Variants in ARHGAP23 observed in about 807,000 individuals in gnomAD.
ARHGAP23 encodes Rho GTPase activating protein 23.
Under a neutral mutation model 136.3 loss-of-function variants are expected in ARHGAP23, and 34 were observed. The observed-to-expected ratio is 0.25, with a 90% CI of 0.19 to 0.33. ARHGAP23 has a LOEUF of 0.33. Ranked by LOEUF, ARHGAP23 falls within the 10% of genes least tolerant of loss-of-function variation. The pLI, the probability that ARHGAP23 is intolerant of heterozygous loss-of-function variation, is 1.00. For synonymous variants in ARHGAP23, 832 were observed against 920.5 expected (o/e 0.90, Z 1.74); for missense variants, 1,808 against 2,139.0 (o/e 0.85, Z 3.05).
At chr17:38,448,273 G>A (rs756876143) in intron 1 of ARHGAP23, among the ~76,000 whole-genome samples, 2 of 152,146 alleles carry the variant, frequency 1.3e-5, no homozygotes, top group Non-Finnish European at 2.9e-5. Flanking sequence ...GTCTATGAGC[G>A]TCCACATGTG....
Position 38,462,845 on chromosome 17 carries a change from G to C in ARHGAP23, c.254-1G>C. 1 of 1,513,538 alleles carries C rather than the reference G, an allele frequency of 6.6e-7. No individual in the cohort carries two copies. Among genetic ancestry groups the C allele is most frequent in the Non-Finnish European group, 8.8e-7 (1 of 1,132,868 alleles). 93.8% of individuals were successfully genotyped at this position (1,513,538 alleles called of 1,614,324 possible). On this transcript the variant is annotated splice_acceptor_variant, in intron 3 of 23. Coordinates refer to ENST00000622683, the MANE Select transcript of ARHGAP23 (RefSeq NM_001199417.2). LOFTEE classifies it high-confidence loss of function. The stretch of plus-strand genomic sequence containing the variant: ...CAGCTAACCTGGCTGATGCCCACTA[G>C]GACCCTCCCCCCGGTACCGCCTGGA...
chr17:38,436,652 A>G (rs2038804482), intron 1 of ARHGAP23, among the ~76,000 whole-genome samples: 1 of 152,220 alleles, frequency 6.6e-6, no homozygotes, highest in African/African-American at 2.4e-5. Flanking sequence ...CTACCGCCCA[A>G]AAGCCAGACA....
chr17:38,436,719 C>T (rs748467899), intron 1 of ARHGAP23, among the ~76,000 whole-genome samples: 11 of 152,212 alleles, frequency 7.2e-5, no homozygotes, highest in Non-Finnish European at 1.3e-4. Flanking sequence ...TCCAGCCCAT[C>T]GATCAGTCCA....
At chr17:38,483,170 G>A (rs7214903) in intron 16 of ARHGAP23, among the ~76,000 whole-genome samples, 8,119 of 152,152 alleles carry the variant, frequency 0.053, 307 homozygotes, top group South Asian at 0.17. Flanking sequence ...CTTTAACAAC[G>A]TAAAAACCAT....
upstream of ARHGAP23, among the ~76,000 whole-genome samples, chr17:38,423,761 A>G (rs1436260674): frequency 6.6e-6 from 1 of 152,042 alleles, no homozygotes; most frequent in Admixed American, 6.6e-5. Context: ...GGGGACAAGT[A>G]GAGGACCTGG....
chr17:38,430,383 TG>T, intron 1 of ARHGAP23, among the ~76,000 whole-genome samples: 1 of 151,122 alleles, frequency 6.6e-6, no homozygotes, highest in Non-Finnish European at 1.5e-5. Flanking sequence ...AAGGACTGGG[TG>T]GGGGGAAGAG....
At chr17:38,491,329 G>A (rs1330394910) in intron 19 of ARHGAP23, 78 bp from the exon 20 acceptor site, 26 of 1,537,724 alleles carry the variant, frequency 1.7e-5, no homozygotes, top group Non-Finnish European at 2.0e-5. Flanking sequence ...TGTAGTTGGG[G>A]ACAGAGGCCT....
At chr17:38,465,561 C>G (rs972637837) in intron 6 of ARHGAP23, among the ~76,000 whole-genome samples, 1 of 152,252 alleles carries the variant, frequency 6.6e-6, no homozygotes, top group African/African-American at 2.4e-5. Flanking sequence ...TCAGCCTCAG[C>G]TCCCAGTGCC....
In ARHGAP23 at chr17:38,512,200, A is replaced by C. The variant is rs1441052167; in HGVS notation, c.*1228A>C. 1 of 152,228 alleles carries C rather than the reference A, an allele frequency of 6.6e-6. No individual in the cohort carries two copies. The highest frequency in any genetic ancestry group is 1.9e-4 in the East Asian group (1 of 5,204). The allele number at this position is 152,228 out of a possible 1,614,324, so 9.4% of individuals were successfully genotyped here. On this transcript the variant is annotated 3_prime_UTR_variant, in exon 24 of 24. Coordinates refer to ENST00000622683, the MANE Select transcript of ARHGAP23 (RefSeq NM_001199417.2). ...TATAAAGAATTTATAAGGATTTTTA[A>C]AGATGTTTTGCTCATTTACAAAAGT...
chr17:38,471,903 C>T lies in ARHGAP23; in HGVS notation c.2015C>T (p.Pro672Leu), dbSNP rs769423890. ...SWGTSEDADA[P>L]SKRHSTSDLS... ...GGCACCTCTGAAGATGCTGACGCTC[C>T]TTCTAAGCGACACTCAACCTCTGAC... The change falls in exon 11 of 24, where the codon CCT becomes CTT. Residue 672 changes from proline to leucine, a missense_variant. Physicochemically the swap from Pro to Leu is moderately conservative, Grantham distance 98. This residue lies in a region of ARHGAP23 where 139 missense variants were observed against 264.3 expected (regional missense o/e 0.53). Transcript: ENST00000622683. 6.5e-7 allele frequency: 1 copy of T among 1,549,384 alleles called. No homozygotes were observed. Among genetic ancestry groups the T allele is most frequent in the Admixed American group, 2.0e-5 (1 of 50,996 alleles).
chr17:38,492,235 C>T (rs1025919308), intron 20 of ARHGAP23, among the ~76,000 whole-genome samples: 3 of 152,238 alleles, frequency 2.0e-5, no homozygotes, highest in African/African-American at 7.2e-5. Context: ...TAAGGCAGCA[C>T]TGCCGCCTTC....
At chr17:38,494,089 C>G (rs1257677148) in intron 20 of ARHGAP23, among the ~76,000 whole-genome samples, 2 of 152,220 alleles carry the variant, frequency 1.3e-5, no homozygotes, top group Non-Finnish European at 1.5e-5. Context: ...GAATATCACT[C>G]TAGTTGTCAC....
chr17:38,474,428 G>A (rs2039841332), intron 11 of ARHGAP23, among the ~76,000 whole-genome samples: 1 of 152,154 alleles, frequency 6.6e-6, no homozygotes, highest in Non-Finnish European at 1.5e-5. Flanking sequence ...TGGGAGGTAT[G>A]GAAGGAGGAG....
chr17:38,443,187 C>A (rs1597753460), intron 1 of ARHGAP23, among the ~76,000 whole-genome samples: 1 of 152,220 alleles, frequency 6.6e-6, no homozygotes, highest in South Asian at 2.1e-4. Context: ...ACTTTCTCAC[C>A]ATCCTCCCTG....
At chr17:38,504,141 G>T (rs1379521645) in intron 23 of ARHGAP23, among the ~76,000 whole-genome samples, 1 of 152,198 alleles carries the variant, frequency 6.6e-6, no homozygotes, top group African/African-American at 2.4e-5. Flanking sequence ...CTGATCCTCT[G>T]TTCTCAGGCT....
intron 1 of ARHGAP23, among the ~76,000 whole-genome samples, chr17:38,449,016 G>A (rs538660045): frequency 3.9e-5 from 6 of 152,176 alleles, no homozygotes; most frequent in Admixed American, 3.9e-4. Flanking sequence ...ACGGGGTTTC[G>A]CTGTGTTGCC....
intron 1 of ARHGAP23, among the ~76,000 whole-genome samples, chr17:38,422,321 C>T (rs997894147): frequency 3.3e-5 from 5 of 152,160 alleles, no homozygotes; most frequent in African/African-American, 9.7e-5. Context: ...GGGTGCTCAA[C>T]GTATTTTAAT....
chr17:38,510,185 G>A lies in ARHGAP23; in HGVS notation c.3689G>A (p.Ser1230Asn), dbSNP rs937580569. Residue 1230 changes from serine (S) to asparagine (N), a missense_variant, in exon 24 of 24, where the codon AGT becomes AAT. Transcript: ENST00000622683. The surrounding 1 kb of genome is among the most constrained non-coding windows in gnomAD (Gnocchi z 4.6). The stretch of plus-strand genomic sequence containing the variant: ...GCCCCCGAGGCCCCCGGACGCCTCA[G>A]TCCCCCGGCGGCGCCGGAGGAGCGG... The part of the protein sequence containing the change: ...AVAPEAPGRL[S>N]PPAAPEERPA... 9 of 1,344,146 alleles carry A rather than the reference G, an allele frequency of 6.7e-6. No homozygotes were observed. Among genetic ancestry groups the A allele is most frequent in the Non-Finnish European group, 8.6e-6 (9 of 1,050,902 alleles). The allele number at this position is 1,344,146 out of a possible 1,614,324, so 83.3% of individuals were successfully genotyped here.
At chr17:38,463,798 T>A (rs570571342) in intron 6 of ARHGAP23, among the ~76,000 whole-genome samples, 10 of 152,186 alleles carry the variant, frequency 6.6e-5, no homozygotes, top group East Asian at 3.9e-4. Flanking sequence ...CCCACCGTCA[T>A]GTGCACCACA....
Sources: allele counts gnomAD v4.1 joint callset (sites outside exome capture counted in the v4.1 genomes callset), GRCh38; gene constraint gnomAD v4.1.1; regional missense constraint gnomAD v4.1.1; non-coding constraint Gnocchi (gnomAD v3.1); transcripts MANE v1.5; gene names NCBI Gene and HGNC (gene_info 2026-07-23, HGNC 2026-07-21).